Variants in HTR3A observed in about 807,000 individuals in gnomAD.
HTR3A encodes 5-hydroxytryptamine (serotonin) receptor 3A, ionotropic.
In HTR3A, 45 loss-of-function variants were observed where a neutral mutation model predicts 54.8. That is an observed-to-expected ratio of 0.82 (90% CI 0.65 to 1.05). The LOEUF (loss-of-function observed/expected upper bound fraction) is 1.05. HTR3A is among the 50% of genes least tolerant of loss of function. The pLI is 0.00. For missense variants in HTR3A, 657 were observed against 614.0 expected, an observed-to-expected ratio of 1.07 and a Z score of -0.74; for synonymous variants, 297 against 256.0, an observed-to-expected ratio of 1.16 and a Z score of -1.53.
chr11:113,990,309 C>T lies in HTR3A; in HGVS notation c.*546C>T, dbSNP rs1168087869. ...GGGAAGAATAAAATGCAGTGAAACC[C>T]TAAACTCTCTTCTTTTTTTTTTCTT... On this transcript the variant is annotated 3_prime_UTR_variant, in exon 9 of 9. Coordinates refer to ENST00000504030, the MANE Select transcript of HTR3A (RefSeq NM_000869.6). The T allele has an allele frequency of 2.9e-6, 1 of 348,966 alleles. No homozygotes were observed. Among genetic ancestry groups the T allele is most frequent in the African/African-American group, 2.2e-5 (1 of 46,322 alleles). The allele number at this position is 348,966 out of a possible 1,614,324, so 21.6% of individuals were successfully genotyped here. A position where few individuals can be genotyped will look rare whatever the true frequency, so the allele number is the denominator to read the frequency against.
chr11:113,977,738 C>A, intron 1 of HTR3A, 33 bp from the exon 2 acceptor site: 1 of 1,610,782 alleles, frequency 6.2e-7, no homozygotes, highest in Non-Finnish European at 8.5e-7. Flanking sequence ...TCTTGGGGGG[C>A]TGGTGTCTAC....
intron 5 of HTR3A, among the ~76,000 whole-genome samples, chr11:113,984,963 T>A (rs1387311665): frequency 4.0e-5 from 6 of 151,864 alleles, no homozygotes; most frequent in Non-Finnish European, 8.8e-5. Context: ...TCTGTTCTGA[T>A]GTATTCATTA....
intron 5 of HTR3A, among the ~76,000 whole-genome samples, chr11:113,985,707 G>A (rs1201547553): frequency 2.0e-5 from 3 of 152,070 alleles, no homozygotes; most frequent in African/African-American, 7.2e-5. Flanking sequence ...GTGTGTGTGT[G>A]TGTGTGTTTG....
chr11:113,986,996 C>T lies in HTR3A; in HGVS notation c.1088C>T (p.Ser363Phe). The change falls in exon 8 of 9, where the codon TCC becomes TTC. Residue 363 changes from serine to phenylalanine, a missense_variant. By Grantham distance (155) the Ser-to-Phe change is radical (BLOSUM62 -2). Coordinates refer to ENST00000504030, the MANE Select transcript of HTR3A (RefSeq NM_000869.6). ...CTTTGCCTGAGGGAGCAGTCAACTTCCCAGAGGCCCCCAGCCACCTCCCAA... is the reference window on the plus strand; with the variant it reads ...CTTTGCCTGAGGGAGCAGTCAACTTTCCAGAGGCCCCCAGCCACCTCCCAA... ...WLLCLREQSTSQRPPATSQAT... is the reference protein window; with the variant it reads ...WLLCLREQSTFQRPPATSQAT... 1 of 1,614,010 alleles carries T rather than the reference C, an allele frequency of 6.2e-7. No homozygotes were observed. The highest frequency in any genetic ancestry group is 8.5e-7 in the Non-Finnish European group (1 of 1,180,032).
chr11:113,979,863 T>G (rs1383566044), intron 3 of HTR3A, among the ~76,000 whole-genome samples: 1 of 152,044 alleles, frequency 6.6e-6, no homozygotes, highest in Admixed American at 6.5e-5. Context: ...TGTTGGGAAG[T>G]CAGAGCAGAG....
At chr11:113,983,905 C>T (rs1950455845) in intron 5 of HTR3A, among the ~76,000 whole-genome samples, 1 of 152,142 alleles carries the variant, frequency 6.6e-6, no homozygotes, top group Non-Finnish European at 1.5e-5. Context: ...CACTTAAAAC[C>T]CCTCAATGGG....
At position 113,979,375 on chromosome 11, in the gene HTR3A, G is replaced by A. The variant is rs115102727; in HGVS notation, c.264+98G>A. The A allele has an allele frequency of 2.0e-3, 1,935 of 947,602 alleles. 25 individuals carry two copies. In the African/African-American group the frequency reaches 0.024, roughly 12 times the overall value. The allele number at this position is 947,602 out of a possible 1,614,324, so 58.7% of individuals were successfully genotyped here. A position where few individuals can be genotyped will look rare whatever the true frequency, so the allele number is the denominator to read the frequency against. On this transcript the variant is annotated intron_variant, in intron 3 of 8. Transcript: ENST00000504030. ...GTGGCCTTGGCGAGGGAAGGTGAGC[G>A]GAGAGGCTGAGGGGCACCCTCAGCC...
rs78367259 is a variant in HTR3A, at chr11:113,985,665, A to G, written c.545-350A>G. Among the ~76,000 whole-genome samples, 4 of 152,172 alleles carry G rather than the reference A, an allele frequency of 2.6e-5. No homozygotes were observed. In the East Asian group the frequency reaches 7.7e-4, roughly 29 times the overall value. On this transcript the variant is annotated intron_variant, in intron 5 of 8. Transcript: ENST00000504030. ...GTTCATTGTTGCAATGGGCAATTCT[A>G]ACAGGGAAAGCTAGAAAGCTGTTTG... is the stretch of plus-strand genomic sequence containing the variant.
Position 113,975,160 on chromosome 11 carries a change from A to G in HTR3A, c.-166A>G. 1 of 718,074 alleles carries G rather than the reference A, an allele frequency of 1.4e-6. No homozygotes were observed. Among genetic ancestry groups the G allele is most frequent in the Non-Finnish European group, 2.5e-6 (1 of 400,122 alleles). 44.5% of individuals were successfully genotyped at this position (718,074 alleles called of 1,614,324 possible). Reference sequence around the variant, plus strand: ...TGCAGGAAAACTTGGCAGCTCCCCAACCTTGGTGGCCCAGGGAGTGTGAGG... The same window carrying G: ...TGCAGGAAAACTTGGCAGCTCCCCAGCCTTGGTGGCCCAGGGAGTGTGAGG... On this transcript the variant is annotated 5_prime_UTR_variant, in exon 1 of 9. Coordinates refer to ENST00000504030, the MANE Select transcript of HTR3A (RefSeq NM_000869.6).
Position 113,989,871 on chromosome 11 carries a change from C to A in HTR3A, c.*108C>A. ...GGGAATGCCAGGGACATTTTCAAGACACAGACAAAGTCCCGTGCCCTGTTT... is the reference window on the plus strand; with the variant it reads ...GGGAATGCCAGGGACATTTTCAAGAAACAGACAAAGTCCCGTGCCCTGTTT... On this transcript the variant is annotated 3_prime_UTR_variant, in exon 9 of 9. Transcript: ENST00000504030. This position sits in a 1 kb window ranked among gnomAD's most constrained non-coding sequence, Gnocchi z 4.4. The A allele has an allele frequency of 8.0e-7, 1 of 1,255,450 alleles. No individual in the cohort carries two copies. The highest frequency in any genetic ancestry group is 1.1e-6 in the Non-Finnish European group (1 of 870,194). 77.8% of individuals were successfully genotyped at this position (1,255,450 alleles called of 1,614,324 possible).
chr11:113,975,532 A>C lies in HTR3A; in HGVS notation c.67+140A>C. ...AGGAAGGTCAGCTATCTTACCACCT[A>C]TGAGCATGACAGCATTTGAGGCATC... On this transcript the variant is annotated intron_variant, in intron 1 of 8. Coordinates refer to ENST00000504030, the MANE Select transcript of HTR3A (RefSeq NM_000869.6). 3 of 716,576 alleles carry C rather than the reference A, an allele frequency of 4.2e-6. No homozygotes were observed. The South Asian group carries it at 4.7e-5, about 11-fold the overall frequency. 44.4% of individuals were successfully genotyped at this position (716,576 alleles called of 1,614,324 possible). A position where few individuals can be genotyped will look rare whatever the true frequency, so the allele number is the denominator to read the frequency against.
In HTR3A at chr11:113,983,273, C is replaced by T; in HGVS notation, c.528C>T (p.Thr176=). The change falls in exon 5 of 9, where the codon ACC becomes ACT. Residue 176 remains threonine, a synonymous_variant. Transcript: ENST00000504030. ...TCCAGAACTGCTCGCTGACCTTCAC[C>T]AGTTGGCTGCACACCAGTGAGTATG... is the stretch of plus-strand genomic sequence containing the variant. ...FDVQNCSLTF[T]SWLHTIQDIN... 6.2e-7 allele frequency: 1 copy of T among 1,614,082 alleles called. No individual in the cohort carries two copies. Among genetic ancestry groups the T allele is most frequent in the Non-Finnish European group, 8.5e-7 (1 of 1,180,038 alleles).
At position 113,989,462 on chromosome 11, in the gene HTR3A, C is replaced by A. The variant is rs745679703; in HGVS notation, c.1139-3C>A. The A allele has an allele frequency of 1.5e-5, 25 of 1,614,026 alleles. No homozygotes were observed. Among genetic ancestry groups the A allele is most frequent in the Non-Finnish European group, 2.1e-5 (25 of 1,180,014 alleles). On this transcript the variant is annotated splice_region_variant and splice_polypyrimidine_tract_variant and intron_variant, in intron 8 of 8. Transcript: ENST00000504030. The surrounding 1 kb of genome is among the most constrained non-coding windows in gnomAD (Gnocchi z 4.4). Reference sequence around the variant, plus strand: ...TCTTGCCAATGCCCTGCCCTTCTTCCAGCCATGGGAAACCACTGCAGCCAC... The same window carrying A: ...TCTTGCCAATGCCCTGCCCTTCTTCAAGCCATGGGAAACCACTGCAGCCAC...
intron 3 of HTR3A, 80 bp from the exon 4 acceptor site, chr11:113,981,123 G>A (rs1192043017): frequency 1.0e-5 from 9 of 864,228 alleles, no homozygotes; most frequent in Non-Finnish European, 7.9e-6. Flanking sequence ...GGGCACTGAG[G>A]GTGAAGTCTG....
At chr11:113,986,388 CT>C in intron 6 of HTR3A, 129 bp from the exon 7 acceptor site, 1 of 1,137,870 alleles carries the variant, frequency 8.8e-7, no homozygotes, top group East Asian at 2.4e-5. Context: ...GTATGGGGGT[CT>C]GTCTGTTTTC....
intron 5 of HTR3A, among the ~76,000 whole-genome samples, chr11:113,985,804 T>A (rs1950482682): frequency 6.6e-6 from 1 of 152,150 alleles, no homozygotes; most frequent in East Asian, 1.9e-4. Context: ...TAGGACTTCA[T>A]CTGCCCTCAG....
At chr11:113,988,324 C>G (rs1950516111) in intron 8 of HTR3A, among the ~76,000 whole-genome samples, 1 of 152,230 alleles carries the variant, frequency 6.6e-6, no homozygotes, top group Admixed American at 6.5e-5. Context: ...TGCTGCCCCT[C>G]TGAGGCAACA....
chr11:113,984,527 G>A (rs1478232625), intron 5 of HTR3A, among the ~76,000 whole-genome samples: 2 of 152,214 alleles, frequency 1.3e-5, no homozygotes, highest in Admixed American at 1.3e-4. Flanking sequence ...ACAGGGCCTG[G>A]CACAGAGGAA....
In HTR3A at chr11:113,986,195, G is replaced by A; in HGVS notation, c.705+20G>A. The A allele has an allele frequency of 6.2e-7, 1 of 1,613,862 alleles. No homozygotes were observed. The highest frequency in any genetic ancestry group is 8.5e-7 in the Non-Finnish European group (1 of 1,179,816). On this transcript the variant is annotated intron_variant, in intron 6 of 8. Coordinates refer to ENST00000504030, the MANE Select transcript of HTR3A (RefSeq NM_000869.6). ...TTCTATGTGAGTGGGAGTGAATGTG[G>A]GTAAAATGGTGAATAAAGCTTCACA...
Sources: gnomAD v4.1 joint callset for allele counts (sites outside exome capture counted in the v4.1 genomes callset) on GRCh38, gnomAD v4.1.1 for gene constraint, Gnocchi (gnomAD v3.1) non-coding constraint, MANE v1.5 for transcripts, NCBI Gene and HGNC (gene_info 2026-07-23, HGNC 2026-07-21) for gene names.